Variants in LY75 observed in about 807,000 individuals in gnomAD.
The protein encoded by LY75 is lymphocyte antigen 75.
In LY75, 185 loss-of-function variants were observed where a neutral mutation model predicts 231.7. That is an observed-to-expected ratio of 0.80 (90% CI 0.71 to 0.90). The LOEUF is 0.90. LY75 is among the 40% of genes least tolerant of loss of function. The probability of loss-of-function intolerance (pLI) is 0.00; values close to 1 mark genes in which losing one functional copy is unlikely to be tolerated. For missense variants in LY75, 1,947 were observed against 2,050.2 expected (o/e 0.95, Z 0.97); for synonymous variants, 668 against 689.0 (o/e 0.97, Z 0.48).
Position 159,831,492 on chromosome 2 carries a change from G to A in LY75, c.3958+178C>T, listed in dbSNP as rs116260704. On this transcript the variant is annotated intron_variant, in intron 28 of 34. Transcript: ENST00000263636. ...TTTTCCGCCATTTAACTTTAAACTC[G>A]ATGATAAAGGCAGAGCAGAGACATA... Among the ~76,000 whole-genome samples the A allele has an allele frequency of 7.8e-3, 1,195 of 152,264 alleles. 12 individuals carry two copies. Among genetic ancestry groups the A allele is most frequent in the African/African-American group, 0.027 (1,133 of 41,546 alleles).
intron 23 of LY75, among the ~76,000 whole-genome samples, chr2:159,845,474 T>C (rs973494460): frequency 6.6e-6 from 1 of 151,742 alleles, no homozygotes; most frequent in African/African-American, 2.4e-5. Context: ...AACATATCAA[T>C]ACAGTCAGCC....
chr2:159,852,010 G>A (rs1574558511), intron 21 of LY75, among the ~76,000 whole-genome samples, 191 bp downstream of exon 21: 1 of 152,268 alleles, frequency 6.6e-6, no homozygotes, highest in East Asian at 1.9e-4. Flanking sequence ...AGACCTGTAG[G>A]CATGACCAAC....
intron 29 of LY75, among the ~76,000 whole-genome samples, chr2:159,818,376 T>C (rs185121994): frequency 3.9e-4 from 60 of 152,306 alleles, no homozygotes; most frequent in Non-Finnish European, 6.5e-4. Flanking sequence ...TGGTCTTCCC[T>C]CAAAAACTTA....
At chr2:159,855,186 C>A (rs1338983107) in intron 16 of LY75, among the ~76,000 whole-genome samples, 1 of 152,122 alleles carries the variant, frequency 6.6e-6, no homozygotes, top group African/African-American at 2.4e-5. Flanking sequence ...AGTCTTTTAC[C>A]TTGTGTCACA....
intron 4 of LY75, among the ~76,000 whole-genome samples, chr2:159,888,654 G>T (rs1403850592): frequency 6.6e-6 from 1 of 152,156 alleles, no homozygotes; most frequent in Non-Finnish European, 1.5e-5. Flanking sequence ...ATACATGTTT[G>T]CTTAATATAT....
chr2:159,808,617 G>C, intron 32 of LY75, 46 bp from the exon 33 acceptor site: 1 of 1,605,000 alleles, frequency 6.2e-7, no homozygotes, highest in Non-Finnish European at 8.5e-7. Flanking sequence ...GGAAACTAGA[G>C]AAGTAGTTTA....
At chr2:159,853,791 T>A (rs1421451328) in intron 18 of LY75, 94 bp from the exon 19 acceptor site, 46 of 1,528,286 alleles carry the variant, frequency 3.0e-5, no homozygotes, top group Non-Finnish European at 3.6e-6. Flanking sequence ...CACTAACCAC[T>A]AAAATTTCCA....
intron 14 of LY75, 74 bp from the exon 15 acceptor site, chr2:159,860,963 GC>G: frequency 6.4e-7 from 1 of 1,556,068 alleles, no homozygotes; most frequent in South Asian, 1.1e-5. Context: ...AATTTAGGCA[GC>G]CTTAATCACT....
At chr2:159,823,228 A>G (rs1356516449) in intron 28 of LY75, among the ~76,000 whole-genome samples, 3 of 152,216 alleles carry the variant, frequency 2.0e-5, no homozygotes, top group Non-Finnish European at 4.4e-5. Context: ...TGCTAACTAG[A>G]ATACCCAGTG....
At chr2:159,819,626 A>C in intron 29 of LY75, 100 bp downstream of exon 29, 1 of 1,405,412 alleles carries the variant, frequency 7.1e-7, no homozygotes, top group Non-Finnish European at 9.6e-7. Context: ...AGGACTGAAT[A>C]CAGAGGAAGC....
intron 28 of LY75, among the ~76,000 whole-genome samples, chr2:159,825,790 A>G (rs1161309644): frequency 6.6e-6 from 1 of 152,070 alleles, no homozygotes; most frequent in Non-Finnish European, 1.5e-5. Flanking sequence ...TCTGGGATGA[A>G]AGACTGGTTC....
At chr2:159,811,569 T>C (rs1682962107) in intron 31 of LY75, among the ~76,000 whole-genome samples, 1 of 152,250 alleles carries the variant, frequency 6.6e-6, no homozygotes, top group South Asian at 2.1e-4. Context: ...TGTTTTGTAA[T>C]GCATTCTGTA....
In LY75 at chr2:159,878,351, A is replaced by G. The variant is rs1189193589; in HGVS notation, c.1747T>C (p.Phe583Leu). 1 of 1,613,968 alleles carries G rather than the reference A, an allele frequency of 6.2e-7. No homozygotes were observed. Reference sequence around the variant, plus strand: ...GGCTCAAGAAAATTCCAGTTGGAAAAGGTTACAGCCCGCCTTCTTCCACCA... The same window carrying G: ...GGCTCAAGAAAATTCCAGTTGGAAAGGGTTACAGCCCGCCTTCTTCCACCA... The part of the protein sequence containing the change: ...TVGGRRRAVT[F>L]SNWNFLEPAS... The change falls in exon 11 of 35, where the codon TTT becomes CTT. Residue 583 changes from phenylalanine to leucine, a missense_variant. Phe to Leu is a conservative substitution (Grantham distance 22, BLOSUM62 0). Transcript: ENST00000263636.
At chr2:159,842,662 A>G (rs1419610537) in intron 23 of LY75, among the ~76,000 whole-genome samples, 1 of 152,208 alleles carries the variant, frequency 6.6e-6, no homozygotes, top group Non-Finnish European at 1.5e-5. Context: ...ACTCGACTAC[A>G]GTATAAGCAA....
intron 23 of LY75, among the ~76,000 whole-genome samples, chr2:159,845,165 T>C (rs1400862746): frequency 1.3e-5 from 2 of 152,140 alleles, no homozygotes; most frequent in African/African-American, 4.8e-5. Context: ...AATAAATAGA[T>C]ATATCAAATT....
chr2:159,864,809 A>G (rs145606290), intron 14 of LY75, 30 bp downstream of exon 14: 2 of 1,522,694 alleles, frequency 1.3e-6, no homozygotes, highest in Admixed American at 4.4e-5. Context: ...GTGTTTCCAT[A>G]CTACCTAAAA....
At chr2:159,848,975 T>C (rs1247598879) in intron 23 of LY75, among the ~76,000 whole-genome samples, 3 of 152,174 alleles carry the variant, frequency 2.0e-5, no homozygotes, top group African/African-American at 7.2e-5. Context: ...TATATCTATA[T>C]ACTAGATGGT....
intron 13 of LY75, 61 bp downstream of exon 13, chr2:159,872,390 A>G (rs183018167): frequency 0.011 from 17,169 of 1,568,230 alleles, 115 homozygotes; most frequent in Non-Finnish European, 0.013. Flanking sequence ...AGAACATGTC[A>G]ATTTTGAATA....
At chr2:159,893,325 G>A (rs1211357575) in intron 3 of LY75, among the ~76,000 whole-genome samples, 1 of 152,060 alleles carries the variant, frequency 6.6e-6, no homozygotes, top group Non-Finnish European at 1.5e-5. Flanking sequence ...TCCACTCTTC[G>A]GTTTCTGTTT....
Sources: allele counts gnomAD v4.1 joint callset (sites outside exome capture counted in the v4.1 genomes callset), GRCh38; gene constraint gnomAD v4.1.1; transcripts MANE v1.5; gene names NCBI Gene and HGNC (gene_info 2026-07-23, HGNC 2026-07-21).